Variants in CD180 observed in about 807,000 individuals in gnomAD.
CD180 encodes CD180 molecule, also known as CD180 antigen.
A neutral mutation model predicts 10.7 loss-of-function variants in CD180; 11 were observed. The observed-to-expected ratio is 1.03, with a 90% CI of 0.65 to 1.70. The LOEUF (loss-of-function observed/expected upper bound fraction) is 1.70, where lower values mean the gene tolerates loss of function less well. Among genes scored for constraint, CD180 ranks in the 40% most tolerant of loss-of-function variants. The pLI is 0.00. For synonymous variants in CD180, 286 were observed against 294.6 expected (o/e 0.97, Z 0.30); for missense variants, 729 against 775.2 (o/e 0.94, Z 0.71).
intron 1 of CD180, among the ~76,000 whole-genome samples, chr5:67,192,136 A>T (rs953327061): frequency 1.3e-5 from 2 of 152,194 alleles, no homozygotes; most frequent in African/African-American, 4.8e-5. Context: ...CACGCCTGTA[A>T]TCCCAGCACT....
rs1742099360 is a variant in CD180 at position 67,183,356 on chromosome 5, C to T, written c.1487G>A (p.Gly496Asp). The T allele has an allele frequency of 6.2e-7, 1 of 1,614,052 alleles. No individual in the cohort carries two copies. Among genetic ancestry groups the T allele is most frequent in the African/African-American group, 1.3e-5 (1 of 74,912 alleles). The change falls in exon 3 of 3, where the codon GGC becomes GAC. Residue 496 changes from glycine to aspartate, a missense_variant. Transcript: ENST00000256447. ...ITKTNLLQTV[G>D]SLEVLILSSC... ...GGACAAAATCAGAACCTCCAAGCTG[C>T]CCACGGTCTGAAGTAGGTTGGTCTT...
rs1356044313 is a variant in CD180, at chr5:67,182,026, A to G, written c.*831T>C. ...TGGAAAAGAGACTTCTAAGAACCGGATGCCCAAATGAGAAGAGCATTTTGG... is the reference window on the plus strand; with the variant it reads ...TGGAAAAGAGACTTCTAAGAACCGGGTGCCCAAATGAGAAGAGCATTTTGG... On this transcript the variant is annotated 3_prime_UTR_variant, in exon 3 of 3. Coordinates refer to ENST00000256447, the MANE Select transcript of CD180 (RefSeq NM_005582.3). 2 of 152,238 alleles carry G rather than the reference A, an allele frequency of 1.3e-5. No individual in the cohort carries two copies. The highest frequency in any genetic ancestry group is 2.4e-5 in the African/African-American group (1 of 41,450). The allele number at this position is 152,238 out of a possible 1,614,324, so 9.4% of individuals were successfully genotyped here.
Position 67,196,576 on chromosome 5 carries a change from G to A in CD180, c.66C>T (p.Thr22=). The A allele has an allele frequency of 6.2e-7, 1 of 1,614,034 alleles. No homozygotes were observed. ...VLFSAGCKVI[T]SWDQMCIEKE... is the part of the protein sequence containing the mutation. ...CCTCAATGCACATCTGATCCCAGGA[G>A]GTGATGACTTTACAGCCGGCAGAAA... The change falls in exon 1 of 3, where the codon ACC becomes ACT. Residue 22 remains threonine, a synonymous_variant. Transcript: ENST00000256447.
chr5:67,193,399 C>G (rs1411078898), intron 1 of CD180, among the ~76,000 whole-genome samples: 1 of 152,166 alleles, frequency 6.6e-6, no homozygotes, highest in African/African-American at 2.4e-5. Flanking sequence ...CTCCTTTTAT[C>G]CCTTGCCAGC....
intron 1 of CD180, among the ~76,000 whole-genome samples, chr5:67,191,549 G>A (rs932083914): frequency 6.6e-6 from 1 of 152,198 alleles, no homozygotes; most frequent in African/African-American, 2.4e-5. Flanking sequence ...GCCAAGCTGA[G>A]CTCACTTGAA....
At chr5:67,191,451 T>A (rs1450586658) in intron 1 of CD180, among the ~76,000 whole-genome samples, 1 of 152,160 alleles carries the variant, frequency 6.6e-6, no homozygotes, top group Non-Finnish European at 1.5e-5. Context: ...TGGAGTTCCT[T>A]TCAAAAAAGA....
rs145421165 is a variant in CD180, at chr5:67,184,169, T to C, written c.674A>G (p.Gln225Arg). 6.2e-7 allele frequency: 1 copy of C among 1,614,074 alleles called. No individual in the cohort carries two copies. Among genetic ancestry groups the C allele is most frequent in the Non-Finnish European group, 8.5e-7 (1 of 1,180,042 alleles). Residue 225 changes from glutamine to arginine, a missense_variant, in exon 3 of 3, where the codon CAA becomes CGA. Physicochemically the swap from Gln to Arg is conservative, Grantham distance 43. Transcript: ENST00000256447. ...ELGAFDSTIF[Q>R]SLNFGGTPNL... ...TGGAGTTCCTCCAAAGTTCAAACTT[T>C]GGAAGATCGTTGAATCAAAAGCCCC...
rs772176414 is a variant in CD180, at chr5:67,183,447, C to A, written c.1396G>T (p.Ala466Ser). The A allele has an allele frequency of 3.1e-6, 5 of 1,614,090 alleles. No homozygotes were observed. In the South Asian group the frequency reaches 4.4e-5, roughly 14 times the overall value. The change falls in exon 3 of 3, where the codon GCA becomes TCA. Residue 466 changes from alanine to serine, a missense_variant. Ala to Ser is a moderately conservative substitution (Grantham distance 99, BLOSUM62 1). Transcript: ENST00000256447. ...AGATGCCGGAGAACTGGTAGGCCTGCTAGAAGATGCTGATTGCTGGTATCA... is the reference window on the plus strand; with the variant it reads ...AGATGCCGGAGAACTGGTAGGCCTGATAGAAGATGCTGATTGCTGGTATCA... ...FLDTSNQHLLAGLPVLRHLNL... is the reference protein window; with the variant it reads ...FLDTSNQHLLSGLPVLRHLNL...
Position 67,182,767 on chromosome 5 carries a change from G to T in CD180, c.*90C>A. On this transcript the variant is annotated 3_prime_UTR_variant, in exon 3 of 3. Transcript: ENST00000256447. ...CCAGTTCCAGGAAGCAATCTGAAAA[G>T]TCTGGTCTGGTCACCAGCAGATGAC... 2 of 1,077,210 alleles carry T rather than the reference G, an allele frequency of 1.9e-6. No individual in the cohort carries two copies. The highest frequency in any genetic ancestry group is 2.7e-6 in the Non-Finnish European group (2 of 754,176). The allele number at this position is 1,077,210 out of a possible 1,614,324, so 66.7% of individuals were successfully genotyped here.
intron 1 of CD180, among the ~76,000 whole-genome samples, chr5:67,186,763 C>G (rs1381162625): frequency 6.6e-6 from 1 of 151,740 alleles, no homozygotes; most frequent in East Asian, 1.9e-4. Context: ...TTAAACTCAT[C>G]AAGATTTTAG....
At chr5:67,191,120 A>G in intron 1 of CD180, 1 of 984,126 alleles carries the variant, frequency 1.0e-6, no homozygotes, top group Non-Finnish European at 1.2e-6. Flanking sequence ...CTCCCTAGAG[A>G]GCACATTCCT....
intron 1 of CD180, chr5:67,190,840 A>C: frequency 9.3e-4 from 447 of 478,840 alleles, no homozygotes; most frequent in Non-Finnish European, 1.1e-3. Flanking sequence ...CTGTATATCT[A>C]ACTCCCTCTC....
At chr5:67,195,763 T>C (rs1464557142) in intron 1 of CD180, among the ~76,000 whole-genome samples, 2 of 152,224 alleles carry the variant, frequency 1.3e-5, no homozygotes, top group Non-Finnish European at 2.9e-5. Flanking sequence ...TCCTGGCTCT[T>C]ACTCTTCTTT....
intron 1 of CD180, among the ~76,000 whole-genome samples, chr5:67,188,168 C>CA (rs199809685): frequency 4.1e-5 from 6 of 146,274 alleles, no homozygotes; most frequent in East Asian, 2.1e-4. Context: ...GACTCTGCCT[C>CA]AAAAAGAAAA....
At chr5:67,186,467 T>C (rs1232618361) in intron 1 of CD180, among the ~76,000 whole-genome samples, 2 of 152,082 alleles carry the variant, frequency 1.3e-5, no homozygotes, top group Non-Finnish European at 2.9e-5. Flanking sequence ...CTTATATTTG[T>C]TAAAACAAAC....
chr5:67,188,193 G>T (rs1742238521), intron 1 of CD180, among the ~76,000 whole-genome samples: 1 of 151,850 alleles, frequency 6.6e-6, no homozygotes, highest in African/African-American at 2.4e-5. Flanking sequence ...AAGATTGGGG[G>T]TAAGTTAGGC....
rs1742107124 is a variant in CD180 at position 67,183,574 on chromosome 5, T to C, written c.1269A>G (p.Glu423=). The C allele has an allele frequency of 6.2e-7, 1 of 1,613,872 alleles. No individual in the cohort carries two copies. The highest frequency in any genetic ancestry group is 8.5e-7 in the Non-Finnish European group (1 of 1,179,956). Residue 423 remains glutamate, a synonymous_variant, in exon 3 of 3, where the codon GAA becomes GAG. Transcript: ENST00000256447. ...AGCGGGTAAATGCCAAATCGAGGAG[T>C]TCTAGCTGAGGACATTCTTTGAATG... ...SQAFKECPQL[E]LLDLAFTRLH... is the part of the protein sequence containing the mutation.
Position 67,191,141 on chromosome 5 carries a change from T to A in CD180, c.91-5124A>T, listed in dbSNP as rs989871602. 5.2e-6 allele frequency: 5 copies of A among 965,404 alleles called. No homozygotes were observed. The African/African-American group carries it at 7.0e-5, about 14-fold the overall frequency. The allele number at this position is 965,404 out of a possible 1,614,324, so 59.8% of individuals were successfully genotyped here. On this transcript the variant is annotated intron_variant, in intron 1 of 2. Transcript: ENST00000256447. Reference sequence around the variant, plus strand: ...AGAGAGCACATTCCTGTAACTTCATTGTCAATCTGATTCCTCCAGGCAAAG... The same window carrying A: ...AGAGAGCACATTCCTGTAACTTCATAGTCAATCTGATTCCTCCAGGCAAAG...
chr5:67,183,326 CA>C lies in CD180; in HGVS notation c.1516del (p.Cys506ValfsTer6), dbSNP rs1350840845. 1 of 1,614,146 alleles carries C rather than the reference CA, an allele frequency of 6.2e-7. No individual in the cohort carries two copies. The highest frequency in any genetic ancestry group is 1.7e-5 in the Admixed American group (1 of 60,020). On this transcript the variant is annotated frameshift_variant, in exon 3 of 3. Coordinates refer to ENST00000256447, the MANE Select transcript of CD180 (RefSeq NM_005582.3). LOFTEE classifies it low-confidence loss of function (END_TRUNC). ...GSLEVLILSS[C>X]GLLSIDQQAF... ...TTGCTGGTCTATAGAGAGGAGACCA[CA>C]AGAGGACAAAATCAGAACCTCCAAG...
Sources: allele counts gnomAD v4.1 joint callset (sites outside exome capture counted in the v4.1 genomes callset), GRCh38; gene constraint gnomAD v4.1.1; transcripts MANE v1.5; gene names NCBI Gene and HGNC (gene_info 2026-07-23, HGNC 2026-07-21).